The following GPC5 variants were observed in gnomAD, a reference collection of about 807,000 sequenced individuals.
GPC5 encodes the protein glypican-5.
In GPC5, 47 loss-of-function variants were observed where a neutral mutation model predicts 53.9. The ratio of observed to expected loss-of-function variants is 0.87; its 90% CI spans 0.69 to 1.11. The LOEUF is 1.11. Among genes scored for constraint, GPC5 ranks in the 50% most tolerant of loss-of-function variants. GPC5 has a pLI of 0.00. For missense variants in GPC5, 748 were observed against 713.1 expected (o/e 1.05, Z -0.56); for synonymous variants, 286 against 263.3 (o/e 1.09, Z -0.84).
At chr13:92,204,940 G>A (rs559345964) in intron 7 of GPC5, among the ~76,000 whole-genome samples, 23 of 151,622 alleles carry the variant, frequency 1.5e-4, no homozygotes, top group African/African-American at 5.3e-4. Flanking sequence ...GTGCAGTGGC[G>A]CAATCTCGGC....
At chr13:92,772,817 A>C (rs1269043271) in intron 7 of GPC5, among the ~76,000 whole-genome samples, 3 of 152,186 alleles carry the variant, frequency 2.0e-5, no homozygotes, top group African/African-American at 7.2e-5. Context: ...TATCACAGTT[A>C]AGAATTTCTT....
chr13:92,616,938 A>G (rs1884710183), intron 7 of GPC5, among the ~76,000 whole-genome samples: 1 of 152,194 alleles, frequency 6.6e-6, no homozygotes, highest in Admixed American at 6.5e-5. Context: ...AATAAGGAAA[A>G]AATAAAAAAT....
intron 7 of GPC5, among the ~76,000 whole-genome samples, chr13:92,642,912 G>T (rs1021123362): frequency 2.0e-5 from 3 of 152,136 alleles, no homozygotes; most frequent in African/African-American, 7.2e-5. Context: ...GTTGGCTAAC[G>T]CACAACTTTA....
intron 7 of GPC5, among the ~76,000 whole-genome samples, chr13:92,644,373 A>G (rs1885696407): frequency 6.6e-6 from 1 of 152,206 alleles, no homozygotes; most frequent in Non-Finnish European, 1.5e-5. Flanking sequence ...TAAGTGTTCA[A>G]CAATAGAGAA....
intron 6 of GPC5, among the ~76,000 whole-genome samples, chr13:92,131,662 A>T (rs7985122): frequency 2.6e-5 from 4 of 151,682 alleles, no homozygotes; most frequent in African/African-American, 2.4e-5. Flanking sequence ...ATGTAAACAG[A>T]GGTCAGTATA....
chr13:92,453,181 T>C (rs1439524129), intron 7 of GPC5, among the ~76,000 whole-genome samples: 1 of 152,212 alleles, frequency 6.6e-6, no homozygotes, highest in Non-Finnish European at 1.5e-5. Context: ...TAAAATGTCC[T>C]GAAAATGCAA....
intron 7 of GPC5, among the ~76,000 whole-genome samples, chr13:92,374,544 TC>T (rs539920093): frequency 4.5e-4 from 68 of 152,136 alleles, no homozygotes; most frequent in African/African-American, 1.6e-3. Context: ...TGAGTTCATG[TC>T]CTTTTTAGGG....
chr13:92,326,469 T>C (rs980871997), intron 7 of GPC5, among the ~76,000 whole-genome samples: 3 of 152,148 alleles, frequency 2.0e-5, no homozygotes, highest in Non-Finnish European at 4.4e-5. Context: ...TGGTAGTTTA[T>C]TGATTGTTTT....
intron 5 of GPC5, among the ~76,000 whole-genome samples, chr13:91,860,047 T>C (rs7997239): frequency 0.19 from 28,726 of 151,974 alleles, 3,000 homozygotes; most frequent in East Asian, 0.31. Flanking sequence ...TCATTGCAAA[T>C]GTTTATCATT....
intron 7 of GPC5, among the ~76,000 whole-genome samples, chr13:92,598,503 T>C (rs1883947042): frequency 6.6e-6 from 1 of 152,198 alleles, no homozygotes; most frequent in Non-Finnish European, 1.5e-5. Flanking sequence ...ATGAAGATTT[T>C]TGTTGCTCTG....
At chr13:92,353,199 G>T (rs1188429821) in intron 7 of GPC5, among the ~76,000 whole-genome samples, 1 of 147,278 alleles carries the variant, frequency 6.8e-6, no homozygotes. Flanking sequence ...AGCGGAGCTT[G>T]CAGTGAGCCG....
chr13:91,476,425 A>G (rs544901648), intron 2 of GPC5, among the ~76,000 whole-genome samples: 3 of 152,336 alleles, frequency 2.0e-5, no homozygotes, highest in South Asian at 4.1e-4. Flanking sequence ...TGAAACCCAA[A>G]TATCCTTCTT....
chr13:91,864,518 G>A (rs1434014390), intron 5 of GPC5, among the ~76,000 whole-genome samples: 1 of 152,174 alleles, frequency 6.6e-6, no homozygotes, highest in Non-Finnish European at 1.5e-5. Context: ...CTGGACCCAT[G>A]TAGCAACTTT....
At chr13:92,277,266 G>A (rs1288494897) in intron 7 of GPC5, among the ~76,000 whole-genome samples, 2 of 151,954 alleles carry the variant, frequency 1.3e-5, no homozygotes, top group Non-Finnish European at 2.9e-5. Flanking sequence ...AGAGAAGAAG[G>A]GAAAGTCTAA....
At chr13:91,954,979 A>G (rs1359755670) in intron 6 of GPC5, among the ~76,000 whole-genome samples, 1 of 152,164 alleles carries the variant, frequency 6.6e-6, no homozygotes, top group African/African-American at 2.4e-5. Context: ...AAAATATACC[A>G]TTAAAATGCC....
chr13:92,042,165 T>TC (rs35075455), intron 6 of GPC5, among the ~76,000 whole-genome samples: 1 of 151,992 alleles, frequency 6.6e-6, no homozygotes, highest in Non-Finnish European at 1.5e-5. Flanking sequence ...GAGGGCCACT[T>TC]CCCCCCATGC....
intron 7 of GPC5, among the ~76,000 whole-genome samples, chr13:92,743,586 C>T (rs1352778984): frequency 6.6e-6 from 1 of 152,048 alleles, no homozygotes; most frequent in Non-Finnish European, 1.5e-5. Context: ...TTTCTTTCTC[C>T]TGCCTGATTG....
intron 7 of GPC5, among the ~76,000 whole-genome samples, chr13:92,806,062 G>C (rs146903755): frequency 6.6e-6 from 1 of 151,940 alleles, no homozygotes; most frequent in African/African-American, 2.4e-5. Flanking sequence ...CCAGTAGAAG[G>C]CTGTTTTGTT....
At chr13:92,456,384 C>CT (rs1451457584) in intron 7 of GPC5, among the ~76,000 whole-genome samples, 21 of 152,200 alleles carry the variant, frequency 1.4e-4, no homozygotes, top group Non-Finnish European at 2.8e-4. Flanking sequence ...TTCCCCCAAA[C>CT]TTGAAGTGCT....
Sources: allele counts gnomAD v4.1 joint callset (sites outside exome capture counted in the v4.1 genomes callset), GRCh38; gene constraint gnomAD v4.1.1; transcripts MANE v1.5; gene names NCBI Gene and HGNC (gene_info 2026-07-23, HGNC 2026-07-21).